The following ARID5A variants were observed in gnomAD, a reference collection of about 807,000 sequenced individuals.
The protein encoded by ARID5A is AT-rich interactive domain-containing protein 5A.
ARID5A carries 14 observed loss-of-function variants against 30.5 expected under a neutral mutation model. The ratio of observed to expected loss-of-function variants is 0.46; its 90% CI spans 0.30 to 0.72. The LOEUF (loss-of-function observed/expected upper bound fraction) is 0.72. Ranked by LOEUF, ARID5A falls within the 30% of genes least tolerant of loss-of-function variation. The probability of loss-of-function intolerance (pLI) is 0.07; values close to 1 mark genes in which losing one functional copy is unlikely to be tolerated. For missense variants in ARID5A, 669 were observed against 786.2 expected (o/e 0.85, Z 1.78); for synonymous variants, 338 against 340.4 (o/e 0.99, Z 0.08).
At chr2:96,548,813 G>A (rs188664192) in intron 2 of ARID5A, among the ~76,000 whole-genome samples, 147 of 152,338 alleles carry the variant, frequency 9.6e-4, no homozygotes, top group Non-Finnish European at 1.8e-3. Flanking sequence ...AGCACGGCAG[G>A]CTGGGGCCAC....
In ARID5A at chr2:96,550,061, G is replaced by A. The variant is rs1031783466; in HGVS notation, c.313-127G>A. 2.8e-5 allele frequency: 43 copies of A among 1,532,414 alleles called. No homozygotes were observed. The highest frequency in any genetic ancestry group is 3.7e-5 in the Non-Finnish European group (42 of 1,145,810). The allele number at this position is 1,532,414 out of a possible 1,614,324, so 94.9% of individuals were successfully genotyped here. A position where few individuals can be genotyped will look rare whatever the true frequency, so the allele number is the denominator to read the frequency against. On this transcript the variant is annotated intron_variant, in intron 4 of 6. Transcript: ENST00000357485. This position sits in a 1 kb window ranked among gnomAD's most constrained non-coding sequence, Gnocchi z 6.6. Reference sequence around the variant, plus strand: ...CCCTAGGAGAGAGAATCGGCTGGCCGCTGCTGGAGCCGCAGAGCAGCTGCC... The same window carrying A: ...CCCTAGGAGAGAGAATCGGCTGGCCACTGCTGGAGCCGCAGAGCAGCTGCC...
intron 2 of ARID5A, 63 bp downstream of exon 2, chr2:96,547,580 G>T: frequency 6.7e-7 from 1 of 1,488,424 alleles, no homozygotes; most frequent in Admixed American, 1.8e-5. Flanking sequence ...CCTGTGCTCC[G>T]CCTCCAGGTG....
chr2:96,538,972 C>T (rs2065795670), intron 1 of ARID5A, among the ~76,000 whole-genome samples: 1 of 152,176 alleles, frequency 6.6e-6, no homozygotes, highest in African/African-American at 2.4e-5. Flanking sequence ...CTAGTCACTG[C>T]CCCTCTCTGG....
rs746398296 is a variant in ARID5A at position 96,552,018 on chromosome 2, C to A, written c.1490C>A (p.Pro497Gln). The A allele has an allele frequency of 9.8e-6, 15 of 1,528,150 alleles. No individual in the cohort carries two copies. The highest frequency in any genetic ancestry group is 1.3e-5 in the Non-Finnish European group (15 of 1,138,790). 94.7% of individuals were successfully genotyped at this position (1,528,150 alleles called of 1,614,324 possible). A position where few individuals can be genotyped will look rare whatever the true frequency, so the allele number is the denominator to read the frequency against. Residue 497 changes from proline to glutamine, a missense_variant, in exon 7 of 7, where the codon CCA (proline) becomes CAA (glutamine). Physicochemically the swap from Pro to Gln is moderately conservative, Grantham distance 76. This residue lies in a region of ARID5A where 548 missense variants were observed against 577.4 expected (regional missense o/e 0.95). Coordinates refer to ENST00000357485, the MANE Select transcript of ARID5A (RefSeq NM_212481.3). The stretch of plus-strand genomic sequence containing the variant: ...GGCCCAGCCCTGGGGCCTGTGCCCC[C>A]AGAGGCCTACAGGGGCACCATGCTG... ...LLGPALGPVP[P>Q]EAYRGTMLHC...
chr2:96,536,762 G>T lies in ARID5A; in HGVS notation c.-65G>T, dbSNP rs924497276. 8.2e-7 allele frequency: 1 copy of T among 1,218,422 alleles called. No homozygotes were observed. The highest frequency in any genetic ancestry group is 3.2e-5 in the East Asian group (1 of 30,862). 75.5% of individuals were successfully genotyped at this position (1,218,422 alleles called of 1,614,324 possible). A position where few individuals can be genotyped will look rare whatever the true frequency, so the allele number is the denominator to read the frequency against. The stretch of plus-strand genomic sequence containing the variant: ...GCGCCGCGAGCCAGTATCTCAGAGA[G>T]CGCGGGGTCCGGACAGCCGCGCGCT... On this transcript the variant is annotated 5_prime_UTR_variant, in exon 1 of 7. Coordinates refer to ENST00000357485, the MANE Select transcript of ARID5A (RefSeq NM_212481.3).
Position 96,550,474 on chromosome 2 carries a change from TC to T in ARID5A, c.411-98del. The T allele has an allele frequency of 6.8e-7, 1 of 1,465,288 alleles. No individual in the cohort carries two copies. Among genetic ancestry groups the T allele is most frequent in the Non-Finnish European group, 9.0e-7 (1 of 1,107,222 alleles). The allele number at this position is 1,465,288 out of a possible 1,614,324, so 90.8% of individuals were successfully genotyped here. On this transcript the variant is annotated intron_variant, in intron 5 of 6. Coordinates refer to ENST00000357485, the MANE Select transcript of ARID5A (RefSeq NM_212481.3). This position sits in a 1 kb window ranked among gnomAD's most constrained non-coding sequence, Gnocchi z 6.6. ...AAGCTTTGGGACCAGGAGAGGGCCTTCCTCGGCGCCGGCGGGGAAGGGGGCT... is the reference window on the plus strand; with the variant it reads ...AAGCTTTGGGACCAGGAGAGGGCCTTCTCGGCGCCGGCGGGGAAGGGGGCT...
At position 96,551,439 on chromosome 2, in the gene ARID5A, T is replaced by C. The variant is rs200133265; in HGVS notation, c.911T>C (p.Leu304Pro). The change falls in exon 7 of 7, where the codon CTG (leucine) becomes CCG (proline). Residue 304 changes from leucine (L) to proline (P), a missense_variant. By Grantham distance (98) the Leu-to-Pro change is moderately conservative. This residue lies in a region of ARID5A where 548 missense variants were observed against 577.4 expected (regional missense o/e 0.95). Transcript: ENST00000357485. Reference sequence around the variant, plus strand: ...GAGAGTCCCCAGAGCCCCAAAGGGCTGACTGAGAACTCCAGGCACCGGCTG... The same window carrying C: ...GAGAGTCCCCAGAGCCCCAAAGGGCCGACTGAGAACTCCAGGCACCGGCTG... ...LPESPQSPKG[L>P]TENSRHRLTP... is the part of the protein sequence containing the mutation. The C allele has an allele frequency of 1.7e-4, 264 of 1,596,498 alleles. 2 individuals are homozygous for C. In the African/African-American group the frequency reaches 3.4e-3, roughly 21 times the overall value.
At chr2:96,542,465 G>A (rs2065862615) in intron 1 of ARID5A, among the ~76,000 whole-genome samples, 1 of 152,202 alleles carries the variant, frequency 6.6e-6, no homozygotes, top group Non-Finnish European at 1.5e-5. Context: ...CCCAACTCCA[G>A]GAGATTTTCC....
rs1041069339 is a variant in ARID5A at position 96,550,851 on chromosome 2, G to A, written c.570+118G>A. 2.4e-5 allele frequency: 34 copies of A among 1,397,046 alleles called. No individual in the cohort carries two copies. Among genetic ancestry groups the A allele is most frequent in the East Asian group, 2.5e-5 (1 of 39,818 alleles). 86.5% of individuals were successfully genotyped at this position (1,397,046 alleles called of 1,614,324 possible). On this transcript the variant is annotated intron_variant, in intron 6 of 6. Transcript: ENST00000357485. This position sits in a 1 kb window ranked among gnomAD's most constrained non-coding sequence, Gnocchi z 6.6. Reference sequence around the variant, plus strand: ...AATACACAGAACCTGCACCCAGGGCGGGACTTGCAAGGTTCCAGGTTCTCC... The same window carrying A: ...AATACACAGAACCTGCACCCAGGGCAGGACTTGCAAGGTTCCAGGTTCTCC...
At chr2:96,536,883 G>A (rs2065742022) in intron 1 of ARID5A, 53 bp downstream of exon 1, 4 of 1,225,128 alleles carry the variant, frequency 3.3e-6, no homozygotes, top group South Asian at 4.1e-5. Context: ...CCTGCAGGGA[G>A]GTTCAAGGTG....
chr2:96,552,116 G>C lies in ARID5A; in HGVS notation c.1588G>C (p.Val530Leu), dbSNP rs780488130. The change falls in exon 7 of 7, where the codon GTC becomes CTC. Residue 530 changes from valine to leucine, a missense_variant. By Grantham distance (32) the Val-to-Leu change is conservative. Coordinates refer to ENST00000357485, the MANE Select transcript of ARID5A (RefSeq NM_212481.3). ...GGCTGCACTCCCCTTCAGCCCCCTG[G>C]TCATCCCGGCCTTCCCGGCCCACTT... ...GQAALPFSPL[V>L]IPAFPAHFLA... 15 of 1,609,730 alleles carry C rather than the reference G, an allele frequency of 9.3e-6. No individual in the cohort carries two copies. In the South Asian group the frequency reaches 1.3e-4, roughly 14 times the overall value.
At chr2:96,542,040 C>A (rs1392348743) in intron 1 of ARID5A, among the ~76,000 whole-genome samples, 1 of 152,238 alleles carries the variant, frequency 6.6e-6, no homozygotes, top group African/African-American at 2.4e-5. Context: ...CAGCTCTCTA[C>A]CTCCCAACGC....
intron 1 of ARID5A, among the ~76,000 whole-genome samples, chr2:96,545,156 C>CTTTT (rs35156624): frequency 2.6e-5 from 3 of 116,336 alleles, no homozygotes; most frequent in African/African-American, 6.4e-5. Flanking sequence ...TTTTCTTTTT[C>CTTTT]TTTTTTTTTT....
rs1379876752 is a variant in ARID5A at position 96,550,312 on chromosome 2, G to T, written c.410+27G>T. ...TACGGCGGGGCGGGCCCGGGTGCTG[G>T]ACGCCGCCTACCCTGCGGGGCTTTG... is the stretch of plus-strand genomic sequence containing the variant. On this transcript the variant is annotated intron_variant, in intron 5 of 6. Coordinates refer to ENST00000357485, the MANE Select transcript of ARID5A (RefSeq NM_212481.3). The surrounding 1 kb of genome is among the most constrained non-coding windows in gnomAD (Gnocchi z 6.6). 3 of 1,430,578 alleles carry T rather than the reference G, an allele frequency of 2.1e-6. No homozygotes were observed. In the South Asian group the frequency reaches 4.5e-5, roughly 21 times the overall value. The allele number at this position is 1,430,578 out of a possible 1,614,324, so 88.6% of individuals were successfully genotyped here.
intron 1 of ARID5A, among the ~76,000 whole-genome samples, chr2:96,540,370 C>T (rs555395209): frequency 6.6e-6 from 1 of 152,348 alleles, no homozygotes; most frequent in Admixed American, 6.5e-5. Flanking sequence ...CACCCCCTCT[C>T]TGCTTAGTAA....
In ARID5A at chr2:96,551,286, G is replaced by A. The variant is rs2066036517; in HGVS notation, c.758G>A (p.Gly253Asp). The A allele has an allele frequency of 3.1e-6, 5 of 1,613,856 alleles. No individual in the cohort carries two copies. Among genetic ancestry groups the A allele is most frequent in the Non-Finnish European group, 4.2e-6 (5 of 1,180,012 alleles). Residue 253 changes from glycine to aspartate, a missense_variant, in exon 7 of 7, where the codon GGC becomes GAC. Gly to Asp is a moderately conservative substitution (Grantham distance 94). Coordinates refer to ENST00000357485, the MANE Select transcript of ARID5A (RefSeq NM_212481.3). Reference protein sequence around the residue: ...LSSFYCKGTHGIMSPLAKKKL... With the variant: ...LSSFYCKGTHDIMSPLAKKKL... Reference sequence around the variant, plus strand: ...AGCTTCTACTGCAAGGGGACACACGGCATCATGTCACCACTGGCCAAAAAG... The same window carrying A: ...AGCTTCTACTGCAAGGGGACACACGACATCATGTCACCACTGGCCAAAAAG...
rs2065987318 is a variant in ARID5A at position 96,549,467 on chromosome 2, C to A, written c.259+8C>A. On this transcript the variant is annotated splice_region_variant and intron_variant, in intron 3 of 6. Coordinates refer to ENST00000357485, the MANE Select transcript of ARID5A (RefSeq NM_212481.3). This position sits in a 1 kb window ranked among gnomAD's most constrained non-coding sequence, Gnocchi z 6.1. ...ATCTCGGCTTCAAGCAGAGTGCGTC[C>A]CTGGGGTGCAGGCAGGGAGGGGGGC... 2 of 1,611,130 alleles carry A rather than the reference C, an allele frequency of 1.2e-6. No homozygotes were observed. The highest frequency in any genetic ancestry group is 1.7e-6 in the Non-Finnish European group (2 of 1,178,350).
At chr2:96,546,594 C>T (rs1266207715) in intron 1 of ARID5A, among the ~76,000 whole-genome samples, 1 of 152,254 alleles carries the variant, frequency 6.6e-6, no homozygotes, top group African/African-American at 2.4e-5. Flanking sequence ...ACAGGCAGTT[C>T]AGCCAGGATG....
In ARID5A at chr2:96,539,005, T is replaced by C. The variant is rs1414218875; in HGVS notation, c.4+2175T>C. ...TGGGCAACAGGGGTCTGTAAGTCCA[T>C]TGCGCTCATCCTGCACCCAGGAGGC... On this transcript the variant is annotated intron_variant, in intron 1 of 6. Coordinates refer to ENST00000357485, the MANE Select transcript of ARID5A (RefSeq NM_212481.3). The surrounding 1 kb of genome is among the most constrained non-coding windows in gnomAD (Gnocchi z 4.7). Among the ~76,000 whole-genome samples the C allele has an allele frequency of 2.6e-5, 4 of 152,138 alleles. No individual in the cohort carries two copies. Among genetic ancestry groups the C allele is most frequent in the African/African-American group, 9.7e-5 (4 of 41,430 alleles).
Sources: gnomAD v4.1 joint callset for allele counts (sites outside exome capture counted in the v4.1 genomes callset) on GRCh38, gnomAD v4.1.1 for gene constraint, gnomAD v4.1.1 regional missense constraint, Gnocchi (gnomAD v3.1) non-coding constraint, MANE v1.5 for transcripts, NCBI Gene and HGNC (gene_info 2026-07-23, HGNC 2026-07-21) for gene names.